Variants in TBCD observed in about 807,000 individuals in gnomAD.
TBCD encodes tubulin folding cofactor D.
Under a neutral mutation model 169.3 loss-of-function variants are expected in TBCD, and 105 were observed. The observed-to-expected ratio is 0.62, with a 90% confidence interval of 0.53 to 0.73. TBCD has a LOEUF of 0.73. Ranked by LOEUF, TBCD falls within the 30% of genes least tolerant of loss-of-function variation. The pLI is 0.00. For missense variants in TBCD, 1,444 were observed against 1,600.1 expected, an observed-to-expected ratio of 0.90 and a Z score of 1.66; for synonymous variants, 700 against 643.9, an observed-to-expected ratio of 1.09 and a Z score of -1.32.
At chr17:82,845,774 T>C (rs1288248918) in intron 13 of TBCD, among the ~76,000 whole-genome samples, 6 of 152,250 alleles carry the variant, frequency 3.9e-5, no homozygotes, top group Admixed American at 3.9e-4. Flanking sequence ...TGGGCCTCGG[T>C]CTTCCTGTCC....
intron 12 of TBCD, 72 bp from the exon 13 acceptor site, chr17:82,814,768 C>A: frequency 6.8e-7 from 1 of 1,465,372 alleles, no homozygotes; most frequent in East Asian, 2.3e-5. Context: ...GGCTGTGCTC[C>A]TTGCCATGCT....
intron 15 of TBCD, among the ~76,000 whole-genome samples, chr17:82,887,187 G>A (rs577895054): frequency 2.6e-4 from 38 of 144,582 alleles, no homozygotes; most frequent in South Asian, 2.2e-4. Context: ...GCGCACGTGC[G>A]CTCACGCGTT....
chr17:82,800,197 C>T (rs184722280), intron 8 of TBCD, among the ~76,000 whole-genome samples: 2 of 152,194 alleles, frequency 1.3e-5, no homozygotes, highest in Non-Finnish European at 2.9e-5. Flanking sequence ...GCACTTCCAC[C>T]CCAGCCCTTG....
At chr17:82,877,364 G>A (rs1354852754) in intron 14 of TBCD, among the ~76,000 whole-genome samples, 1 of 149,292 alleles carries the variant, frequency 6.7e-6, no homozygotes, top group Non-Finnish European at 1.5e-5. Flanking sequence ...TTTTTTTCTT[G>A]AGACGGAGTC....
At chr17:82,752,399 C>A in intron 1 of TBCD, 22 bp downstream of exon 1, 1 of 1,217,912 alleles carries the variant, frequency 8.2e-7, no homozygotes, top group Non-Finnish European at 1.0e-6. Context: ...GCGCCGCGTG[C>A]CCGCTTCCTC....
intron 13 of TBCD, among the ~76,000 whole-genome samples, chr17:82,868,420 C>T (rs150653358): frequency 2.6e-5 from 4 of 152,288 alleles, no homozygotes; most frequent in African/African-American, 9.6e-5. Flanking sequence ...GTGCAGCGCC[C>T]TGCGTCGTGG....
intron 5 of TBCD, among the ~76,000 whole-genome samples, chr17:82,769,355 C>T (rs1438872253): frequency 1.3e-5 from 2 of 152,218 alleles, no homozygotes; most frequent in African/African-American, 2.4e-5. Flanking sequence ...ATGGAAGTGA[C>T]GTCCCATTCC....
At chr17:82,906,585 G>A (rs537768740) in intron 20 of TBCD, among the ~76,000 whole-genome samples, 7 of 152,384 alleles carry the variant, frequency 4.6e-5, no homozygotes, top group African/African-American at 1.7e-4. Flanking sequence ...GGCATCGACT[G>A]TCGTCTTACG....
intron 7 of TBCD, among the ~76,000 whole-genome samples, chr17:82,793,496 G>A (rs1346124462): frequency 6.6e-6 from 1 of 152,220 alleles, no homozygotes; most frequent in Admixed American, 6.5e-5. Context: ...GTAGTGGTGT[G>A]GTGGGAAGGT....
At chr17:82,795,192 T>A (rs1443784744) in intron 7 of TBCD, among the ~76,000 whole-genome samples, 1 of 152,236 alleles carries the variant, frequency 6.6e-6, no homozygotes, top group Admixed American at 6.5e-5. Flanking sequence ...CACAGTGTCT[T>A]GGATTCTTTT....
At chr17:82,809,195 T>C (rs973716179) in intron 11 of TBCD, among the ~76,000 whole-genome samples, 1 of 152,056 alleles carries the variant, frequency 6.6e-6, no homozygotes, top group Non-Finnish European at 1.5e-5. Flanking sequence ...GCCTTCCCAG[T>C]GTCCTTCCTG....
Position 82,880,328 on chromosome 17 carries a change from C to T in TBCD, c.1476-3817C>T, listed in dbSNP as rs998077176. ...GGCCGCTGGTGTGTACCACTGTGTT[C>T]GGCACCCGCTGGGCTGCAGGAGTAA... On this transcript the variant is annotated intron_variant, in intron 14 of 38. Coordinates refer to ENST00000355528, the MANE Select transcript of TBCD (RefSeq NM_005993.5). This position sits in a 1 kb window ranked among gnomAD's most constrained non-coding sequence, Gnocchi z 5.0. Among the ~76,000 whole-genome samples, 5 of 152,188 alleles carry T rather than the reference C, an allele frequency of 3.3e-5. No homozygotes were observed. Among genetic ancestry groups the T allele is most frequent in the Non-Finnish European group, 5.9e-5 (4 of 68,038 alleles).
chr17:82,911,717 C>T (rs2060655899), intron 22 of TBCD, 41 bp from the exon 23 acceptor site: 2 of 1,604,092 alleles, frequency 1.2e-6, no homozygotes, highest in African/African-American at 2.7e-5. Flanking sequence ...TTTTATACGT[C>T]AAGAGGTTCT....
Position 82,929,393 on chromosome 17 carries a change from C to A in TBCD, c.2884C>A (p.Pro962Thr), listed in dbSNP as rs755509549. ...TGTGGCCTCCGTGAACTGGAGTGCA[C>A]CTTCCCAGGCCTTCCCACGCATCAC... is the stretch of plus-strand genomic sequence containing the variant. The part of the protein sequence containing the change: ...SDVASVNWSA[P>T]SQAFPRITQL... The change falls in exon 32 of 39, where the codon CCT becomes ACT. Residue 962 changes from proline to threonine, a missense_variant. By Grantham distance (38) the Pro-to-Thr change is conservative. Coordinates refer to ENST00000355528, the MANE Select transcript of TBCD (RefSeq NM_005993.5). 6.8e-5 allele frequency: 110 copies of A among 1,612,878 alleles called. No individual in the cohort carries two copies. Among genetic ancestry groups the A allele is most frequent in the Non-Finnish European group, 8.1e-5 (96 of 1,179,794 alleles).
intron 7 of TBCD, among the ~76,000 whole-genome samples, chr17:82,794,681 TGAA>T (rs2049979265): frequency 1.3e-5 from 2 of 152,202 alleles, no homozygotes; most frequent in Non-Finnish European, 2.9e-5. Context: ...CTTTCTCTGG[TGAA>T]GATGGCCTTA....
chr17:82,897,177 T>G (rs2059545983), intron 17 of TBCD, among the ~76,000 whole-genome samples: 1 of 152,142 alleles, frequency 6.6e-6, no homozygotes, highest in African/African-American at 2.4e-5. Flanking sequence ...CTCCGTGGCT[T>G]TCCCTTTCAG....
intron 13 of TBCD, among the ~76,000 whole-genome samples, chr17:82,846,362 C>CGTCCTGTGT (rs2055113183): frequency 2.1e-5 from 3 of 141,658 alleles, no homozygotes; most frequent in African/African-American, 8.0e-5. Flanking sequence ...CCCCTCCATG[C>CGTCCTGTGT]GCTGTGTCCC....
At chr17:82,838,700 G>T (rs1386333403) in intron 13 of TBCD, 1 of 985,410 alleles carries the variant, frequency 1.0e-6, no homozygotes. Flanking sequence ...TAAAATGAAA[G>T]ATAAACCTCA....
At chr17:82,773,003 G>A (rs1319097070) in intron 6 of TBCD, among the ~76,000 whole-genome samples, 1 of 152,222 alleles carries the variant, frequency 6.6e-6, no homozygotes, top group Non-Finnish European at 1.5e-5. Context: ...AGATACCAAG[G>A]ATGTGTGTAT....
Sources: gnomAD v4.1 joint callset for allele counts (sites outside exome capture counted in the v4.1 genomes callset) on GRCh38, gnomAD v4.1.1 for gene constraint, Gnocchi (gnomAD v3.1) non-coding constraint, MANE v1.5 for transcripts, NCBI Gene and HGNC (gene_info 2026-07-23, HGNC 2026-07-21) for gene names.